The following FUT8 variants were observed in gnomAD, a reference collection of about 807,000 sequenced individuals.
The protein encoded by FUT8 is alpha-(1,6)-fucosyltransferase.
A neutral mutation model predicts 71.3 loss-of-function variants in FUT8; 29 were observed. The observed-to-expected ratio is 0.41, with a 90% CI of 0.30 to 0.55. The LOEUF is 0.55. Among genes scored for constraint, FUT8 ranks in the 20% least tolerant of loss-of-function variants. The pLI is 0.34. For missense variants in FUT8, 544 were observed against 702.1 expected (o/e 0.77, Z 2.55); for synonymous variants, 254 against 239.3 (o/e 1.06, Z -0.57).
intron 1 of FUT8, among the ~76,000 whole-genome samples, chr14:65,447,960 C>A (rs1215741942): frequency 6.6e-6 from 1 of 152,110 alleles, no homozygotes; most frequent in Non-Finnish European, 1.5e-5. Context: ...CTCCTCATAT[C>A]CTACCTAAAT....
intron 3 of FUT8, 23 bp from the exon 4 acceptor site, chr14:65,615,954 TA>T: frequency 6.6e-7 from 1 of 1,514,476 alleles, no homozygotes; most frequent in Non-Finnish European, 9.1e-7. Context: ...GCTAAATGTT[TA>T]CATTATCTTC....
At chr14:65,715,958 G>C (rs1043695843) in intron 7 of FUT8, among the ~76,000 whole-genome samples, 4 of 141,574 alleles carry the variant, frequency 2.8e-5, no homozygotes, top group Non-Finnish European at 4.6e-5. Flanking sequence ...GCCTGGACAA[G>C]AGTGAGACCC....
chr14:65,659,794 C>G (rs1187751815), intron 6 of FUT8, among the ~76,000 whole-genome samples: 1 of 151,936 alleles, frequency 6.6e-6, no homozygotes, highest in Admixed American at 6.6e-5. Context: ...TTCTCACTCC[C>G]TTTTTGAAAA....
In FUT8 at chr14:65,439,964, A is replaced by ACG. The variant is rs1566748193; in HGVS notation, c.-325-15657_-325-15656insCG. Among the ~76,000 whole-genome samples, 37 of 122,948 alleles carry ACG rather than the reference A, an allele frequency of 3.0e-4. 2 individuals carry two copies. The highest frequency in any genetic ancestry group is 1.3e-3 in the South Asian group (5 of 3,922). The allele number at this position is 122,948 out of a possible 152,430, so 80.7% of individuals were successfully genotyped here. A position where few individuals can be genotyped will look rare whatever the true frequency, so the allele number is the denominator to read the frequency against. ...TGTGTGTGTGTGTGTGTATATATATATATATATATATATATATATATATAT... is the reference window on the plus strand; with the variant it reads ...TGTGTGTGTGTGTGTGTATATATATACGTATATATATATATATATATATATAT... On this transcript the variant is annotated intron_variant, in intron 1 of 10. Coordinates refer to ENST00000673929, the MANE Select transcript of FUT8 (RefSeq NM_001371533.1).
At position 65,531,891 on chromosome 14, in the gene FUT8, A is replaced by G. The variant is rs112132167; in HGVS notation, c.-227-29446A>G. On this transcript the variant is annotated intron_variant, in intron 2 of 10. Coordinates refer to ENST00000673929, the MANE Select transcript of FUT8 (RefSeq NM_001371533.1). ...GTGGTATTTGGTTTTCTGTTCCTGC[A>G]TTAGTTTGCTAAGGATAATGGCCTC... Among the ~76,000 whole-genome samples the G allele has an allele frequency of 9.5e-3, 1,451 of 152,180 alleles. 23 individuals are homozygous for G. Among genetic ancestry groups the G allele is most frequent in the African/African-American group, 0.033 (1,383 of 41,540 alleles).
intron 6 of FUT8, among the ~76,000 whole-genome samples, chr14:65,635,103 T>A (rs1393544858): frequency 6.6e-6 from 1 of 152,116 alleles, no homozygotes; most frequent in Non-Finnish European, 1.5e-5. Flanking sequence ...TTTGCGGCTT[T>A]TATAAAAGGG....
At chr14:65,526,381 C>T (rs1244124983) in intron 2 of FUT8, among the ~76,000 whole-genome samples, 2 of 152,124 alleles carry the variant, frequency 1.3e-5, no homozygotes, top group African/African-American at 2.4e-5. Flanking sequence ...AGTAGGATTG[C>T]AACCCCTGCC....
upstream of FUT8, among the ~76,000 whole-genome samples, chr14:65,408,172 G>C (rs1333705301): frequency 6.6e-6 from 1 of 152,172 alleles, no homozygotes. Flanking sequence ...TGGGAGGCAG[G>C]CTGCTCTACC....
intron 7 of FUT8, among the ~76,000 whole-genome samples, chr14:65,701,062 G>A (rs1894271360): frequency 6.6e-6 from 1 of 152,046 alleles, no homozygotes; most frequent in Non-Finnish European, 1.5e-5. Flanking sequence ...AAATTTCACT[G>A]ACAAGAATAA....
chr14:65,468,478 T>C, intron 2 of FUT8: 5 of 316,772 alleles, frequency 1.6e-5, no homozygotes, highest in Non-Finnish European at 1.8e-5. Flanking sequence ...TCTAATTCTT[T>C]ATTTCTCTGT....
intron 3 of FUT8, among the ~76,000 whole-genome samples, chr14:65,579,781 A>G (rs570994146): frequency 6.6e-6 from 1 of 152,216 alleles, no homozygotes; most frequent in South Asian, 2.1e-4. Flanking sequence ...ACAAGGTAAC[A>G]TCTTGCCAGA....
chr14:65,604,477 TTAAA>T (rs1374297359), intron 3 of FUT8, among the ~76,000 whole-genome samples: 2 of 151,790 alleles, frequency 1.3e-5, no homozygotes, highest in Admixed American at 1.3e-4. Context: ...TATATGGAAA[TTAAA>T]TAACCTGCTC....
intron 1 of FUT8, among the ~76,000 whole-genome samples, chr14:65,426,433 C>G (rs1457474002): frequency 6.6e-6 from 1 of 151,882 alleles, no homozygotes; most frequent in East Asian, 1.9e-4. Flanking sequence ...CACAGGAGCC[C>G]TCATAAGGAA....
intron 2 of FUT8, among the ~76,000 whole-genome samples, chr14:65,555,531 G>A (rs534250233): frequency 5.3e-5 from 8 of 152,218 alleles, no homozygotes; most frequent in African/African-American, 1.9e-4. Context: ...ATAATGACCT[G>A]CAAATTCCAC....
intron 2 of FUT8, among the ~76,000 whole-genome samples, chr14:65,493,768 C>A (rs1692625949): frequency 6.6e-6 from 1 of 151,718 alleles, no homozygotes; most frequent in Non-Finnish European, 1.5e-5. Context: ...TTAGGGATAA[C>A]CTTGGAGGCC....
At chr14:65,699,587 A>G (rs1894181797) in intron 7 of FUT8, among the ~76,000 whole-genome samples, 1 of 152,134 alleles carries the variant, frequency 6.6e-6, no homozygotes, top group African/African-American at 2.4e-5. Flanking sequence ...CACTTAGCAG[A>G]AAGGAGAGTA....
rs1486662144 is a variant in FUT8 at position 65,568,147 on chromosome 14, A to G, written c.203+6381A>G. On this transcript the variant is annotated intron_variant, in intron 3 of 10. Transcript: ENST00000673929. ...TTTTTTTCTCATGTCAATTTTGGTG[A>G]GACGTGTTTTTCAAAGCATGTGTTC... Among the ~76,000 whole-genome samples the G allele has an allele frequency of 4.6e-5, 7 of 151,480 alleles. 1 individual carries two copies. The highest frequency in any genetic ancestry group is 1.0e-4 in the Non-Finnish European group (7 of 67,748).
intron 6 of FUT8, among the ~76,000 whole-genome samples, chr14:65,645,075 G>A (rs1301564062): frequency 6.6e-6 from 1 of 152,186 alleles, no homozygotes; most frequent in Non-Finnish European, 1.5e-5. Flanking sequence ...AAGCCACCTT[G>A]GCTGAAATTA....
chr14:65,380,609 A>G, the FUT8 span, among the ~76,000 whole-genome samples: 1 of 152,198 alleles, frequency 6.6e-6, no homozygotes, highest in South Asian at 2.1e-4. Flanking sequence ...AACCTCTCCC[A>G]GCCTTCTGCA....
Sources: allele counts gnomAD v4.1 joint callset (sites outside exome capture counted in the v4.1 genomes callset), GRCh38; gene constraint gnomAD v4.1.1; transcripts MANE v1.5; gene names NCBI Gene and HGNC (gene_info 2026-07-23, HGNC 2026-07-21).